Variants in CATSPER3 observed in about 807,000 individuals in gnomAD.
The protein encoded by CATSPER3 is cation channel sperm-associated protein 3.
In CATSPER3, 23 loss-of-function variants were observed where a neutral mutation model predicts 36.6. That is an observed-to-expected ratio of 0.63 (90% CI 0.45 to 0.89). The LOEUF is 0.89. CATSPER3 is among the 40% of genes least tolerant of loss of function. CATSPER3 has a pLI of 0.00. For synonymous variants in CATSPER3, 172 were observed against 184.1 expected, an observed-to-expected ratio of 0.93 and a Z score of 0.53; for missense variants, 474 against 503.9, an observed-to-expected ratio of 0.94 and a Z score of 0.57.
chr5:134,975,508 AAGTCT>A (rs1242367064), intron 2 of CATSPER3, among the ~76,000 whole-genome samples: 15 of 152,214 alleles, frequency 9.9e-5, no homozygotes, highest in African/African-American at 3.6e-4. Context: ...AGCTGCTCAG[AAGTCT>A]GAGGTAAGAG....
At chr5:134,974,690 A>G (rs1194051068) in intron 2 of CATSPER3, among the ~76,000 whole-genome samples, 1 of 152,256 alleles carries the variant, frequency 6.6e-6, no homozygotes, top group African/African-American at 2.4e-5. Context: ...TAGCATAAAC[A>G]TAATGTGGTA....
At chr5:134,969,627 T>A (rs1751576665) in intron 1 of CATSPER3, 1 of 393,448 alleles carries the variant, frequency 2.5e-6, no homozygotes, top group Admixed American at 3.8e-5. Flanking sequence ...TGATATGTAG[T>A]TGCCACTCAA....
intron 2 of CATSPER3, among the ~76,000 whole-genome samples, chr5:134,995,306 T>G (rs1218762477): frequency 6.6e-6 from 1 of 152,144 alleles, no homozygotes; most frequent in Non-Finnish European, 1.5e-5. Flanking sequence ...TGGCCTCTGG[T>G]AACCACTAGT....
intron 2 of CATSPER3, among the ~76,000 whole-genome samples, chr5:134,982,854 A>G (rs940137463): frequency 9.2e-5 from 14 of 152,370 alleles, no homozygotes; most frequent in South Asian, 2.1e-4. Flanking sequence ...TAAAATACCA[A>G]TGTTATAGTT....
intron 2 of CATSPER3, among the ~76,000 whole-genome samples, chr5:134,978,117 C>T (rs1055825817): frequency 1.3e-5 from 2 of 152,090 alleles, no homozygotes; most frequent in African/African-American, 4.8e-5. Flanking sequence ...AACATCCAAA[C>T]CGTATTATGT....
intron 3 of CATSPER3, among the ~76,000 whole-genome samples, chr5:135,000,714 G>T (rs2149551760): frequency 6.6e-6 from 1 of 152,306 alleles, no homozygotes; most frequent in South Asian, 2.1e-4. Context: ...GTGTAGAGGT[G>T]TTCATAGTAT....
chr5:134,976,697 G>T (rs1053893419), intron 2 of CATSPER3, among the ~76,000 whole-genome samples: 1 of 152,264 alleles, frequency 6.6e-6, no homozygotes, highest in Non-Finnish European at 1.5e-5. Flanking sequence ...AAGGTTCTCT[G>T]TGAGGACTCT....
At chr5:134,974,562 A>T (rs1388972656) in intron 2 of CATSPER3, among the ~76,000 whole-genome samples, 5 of 152,092 alleles carry the variant, frequency 3.3e-5, no homozygotes, top group Non-Finnish European at 7.4e-5. Context: ...AATTTATTAC[A>T]CTATATATTT....
intron 2 of CATSPER3, among the ~76,000 whole-genome samples, chr5:134,979,385 C>A (rs2041357282): frequency 6.6e-6 from 1 of 152,112 alleles, no homozygotes; most frequent in Non-Finnish European, 1.5e-5. Context: ...GATCCACTCA[C>A]CTTGGATCTC....
At chr5:134,987,860 C>T (rs1309529419) in intron 2 of CATSPER3, among the ~76,000 whole-genome samples, 5 of 152,224 alleles carry the variant, frequency 3.3e-5, no homozygotes, top group South Asian at 2.1e-4. Context: ...TTGAGAAAGA[C>T]GAAAAGCCTT....
chr5:134,970,370 A>G (rs1301828205), intron 2 of CATSPER3, among the ~76,000 whole-genome samples: 1 of 152,082 alleles, frequency 6.6e-6, no homozygotes, highest in Non-Finnish European at 1.5e-5. Context: ...CTTCTTGGCC[A>G]GGATGGTCTT....
rs1449847994 is a variant in CATSPER3 at position 135,009,425 on chromosome 5, A to T, written c.871A>T (p.Met291Leu). 15 of 1,612,244 alleles carry T rather than the reference A, an allele frequency of 9.3e-6. No homozygotes were observed. Among genetic ancestry groups the T allele is most frequent in the Non-Finnish European group, 1.3e-5 (15 of 1,178,636 alleles). Residue 291 changes from methionine to leucine, a missense_variant, in exon 6 of 8, where the codon ATG becomes TTG. Coordinates refer to ENST00000282611, the MANE Select transcript of CATSPER3 (RefSeq NM_178019.3). Reference protein sequence around the residue: ...ELMLEQQEMLMGEKQVILQRQ... With the variant: ...ELMLEQQEMLLGEKQVILQRQ... ...GATGTTGGAGCAGCAGGAGATGCTC[A>T]TGGGAGAGAAGCAGGTGATTCTGCA...
intron 3 of CATSPER3, 152 bp from the exon 4 acceptor site, chr5:135,007,805 C>CG: frequency 4.2e-5 from 2 of 47,930 alleles, no homozygotes; most frequent in South Asian, 3.8e-4. Flanking sequence ...AACCAACCAA[C>CG]CCACCCACCC....
intron 2 of CATSPER3, among the ~76,000 whole-genome samples, chr5:134,972,503 G>A (rs1411821105): frequency 6.6e-6 from 1 of 152,036 alleles, no homozygotes; most frequent in African/African-American, 2.4e-5. Flanking sequence ...CAAAAATAAA[G>A]ACTAAAATAG....
chr5:134,977,684 C>T (rs558826467), intron 2 of CATSPER3, among the ~76,000 whole-genome samples: 3 of 152,150 alleles, frequency 2.0e-5, no homozygotes, highest in South Asian at 2.1e-4. Context: ...ACCTTTATAT[C>T]GGTACCACAC....
At chr5:134,993,589 A>T (rs138807104) in intron 2 of CATSPER3, among the ~76,000 whole-genome samples, 84 of 152,330 alleles carry the variant, frequency 5.5e-4, no homozygotes, top group African/African-American at 2.0e-3. Context: ...TTAAAAAGGG[A>T]AGTACAGATA....
chr5:134,969,701 CT>C, intron 1 of CATSPER3: 1 of 530,546 alleles, frequency 1.9e-6, no homozygotes, highest in Non-Finnish European at 3.4e-6. Flanking sequence ...GGTGACCATT[CT>C]TTTTCAGAGG....
Position 134,983,700 on chromosome 5 carries a change from A to G in CATSPER3, c.253-12573A>G, listed in dbSNP as rs1331355105. ...GCTCTAAGAGAAAAGGAAGGACATT[A>G]TATTGACAAAGGGATCAATTCATCA... On this transcript the variant is annotated intron_variant, in intron 2 of 7. Coordinates refer to ENST00000282611, the MANE Select transcript of CATSPER3 (RefSeq NM_178019.3). 2.0e-5 allele frequency among the ~76,000 whole-genome samples: 3 copies of G among 152,336 alleles called. No individual in the cohort carries two copies. In the East Asian group the frequency reaches 5.8e-4, roughly 29 times the overall value.
chr5:134,985,033 G>A (rs1422781080), intron 2 of CATSPER3, among the ~76,000 whole-genome samples: 1 of 152,168 alleles, frequency 6.6e-6, no homozygotes, highest in Non-Finnish European at 1.5e-5. Flanking sequence ...TGGCCAGGCT[G>A]GTCTTGAACT....
Sources: allele counts gnomAD v4.1 joint callset (sites outside exome capture counted in the v4.1 genomes callset), GRCh38; gene constraint gnomAD v4.1.1; transcripts MANE v1.5; gene names NCBI Gene and HGNC (gene_info 2026-07-23, HGNC 2026-07-21).